Variants in ZNF77 observed in about 807,000 individuals in gnomAD.
The protein encoded by ZNF77 is ZNFpT1.
A neutral mutation model predicts 13.5 loss-of-function variants in ZNF77; 15 were observed. The ratio of observed to expected loss-of-function variants is 1.11; its 90% CI spans 0.74 to 1.71. ZNF77 has a LOEUF of 1.71. Among genes scored for constraint, ZNF77 ranks in the 40% most tolerant of loss-of-function variants. The pLI is 0.00. For synonymous variants in ZNF77, 282 were observed against 250.0 expected (o/e 1.13, Z -1.21); for missense variants, 717 against 676.4 (o/e 1.06, Z -0.67).
intron 1 of ZNF77, among the ~76,000 whole-genome samples, chr19:2,940,979 A>C (rs1220637125): frequency 6.6e-6 from 1 of 151,940 alleles, no homozygotes; most frequent in African/African-American, 2.4e-5. Flanking sequence ...GCTTGGGACC[A>C]GCCTGAGCAA....
intron 2 of ZNF77, among the ~76,000 whole-genome samples, chr19:2,937,823 G>C (rs2088411315): frequency 6.6e-6 from 1 of 152,022 alleles, no homozygotes; most frequent in Non-Finnish European, 1.5e-5. Context: ...GTGGCACTTT[G>C]TTGGCTCACT....
chr19:2,933,623 T>C lies in ZNF77; in HGVS notation c.1504A>G (p.Ser502Gly), dbSNP rs770470295. Residue 502 changes from serine (S) to glycine (G), a missense_variant, in exon 4 of 4, where the codon AGT (serine) becomes GGT (glycine). Ser to Gly is a moderately conservative substitution (Grantham distance 56). Coordinates refer to ENST00000314531, the MANE Select transcript of ZNF77 (RefSeq NM_021217.3). ...TGCACACGAAGGGACGAGGAACAAC[T>C]GTAGGCTTTCCCACATTCAGTACAT... is the stretch of plus-strand genomic sequence containing the variant. ...YECTECGKAY[S>G]CSSSLRVHVR... 1 of 1,614,062 alleles carries C rather than the reference T, an allele frequency of 6.2e-7. No individual in the cohort carries two copies. Among genetic ancestry groups the C allele is most frequent in the Non-Finnish European group, 8.5e-7 (1 of 1,179,954 alleles).
At chr19:2,942,618 A>T (rs2088460243) in intron 1 of ZNF77, among the ~76,000 whole-genome samples, 1 of 152,016 alleles carries the variant, frequency 6.6e-6, no homozygotes, top group Non-Finnish European at 1.5e-5. Context: ...CTGTCAGGTG[A>T]CAATGTTGAA....
chr19:2,937,050 G>C (rs147566929), intron 2 of ZNF77, among the ~76,000 whole-genome samples: 1 of 152,112 alleles, frequency 6.6e-6, no homozygotes, highest in African/African-American at 2.4e-5. Flanking sequence ...TTAGCCAGGC[G>C]TGGTGTTGTG....
At chr19:2,937,150 C>T (rs531290484) in intron 2 of ZNF77, among the ~76,000 whole-genome samples, 12 of 152,146 alleles carry the variant, frequency 7.9e-5, no homozygotes, top group Admixed American at 3.3e-4. Context: ...GATTGCACCA[C>T]GGCACTGCAG....
rs147071545 is a variant in ZNF77 at position 2,933,849 on chromosome 19, G to A, written c.1278C>T (p.His426=). 1.4e-5 allele frequency: 23 copies of A among 1,613,522 alleles called. No individual in the cohort carries two copies. Among genetic ancestry groups the A allele is most frequent in the South Asian group, 9.9e-5 (9 of 91,022 alleles). The change falls in exon 4 of 4, where the codon CAC becomes CAT. Residue 426 remains histidine (H), a synonymous_variant. Transcript: ENST00000314531. Reference sequence around the variant, plus strand: ...GCTTCTCTCCAGTATGCGTCCTCACGTGGATTCGAAGGGAGGAGGAAAAAC... The same window carrying A: ...GCTTCTCTCCAGTATGCGTCCTCACATGGATTCGAAGGGAGGAGGAAAAAC... ...AYSFSSSLRI[H]VRTHTGEKPF... is the part of the protein sequence containing the mutation.
At chr19:2,944,757 C>T in intron 1 of ZNF77, 81 bp downstream of exon 1, 1 of 1,461,054 alleles carries the variant, frequency 6.8e-7, no homozygotes, top group Non-Finnish European at 9.0e-7. Flanking sequence ...CAGCTTTCTC[C>T]GGCTGCGAAC....
rs199562140 is a variant in ZNF77, at chr19:2,934,093, G to A, written c.1034C>T (p.Thr345Met). 5.6e-5 allele frequency: 90 copies of A among 1,613,802 alleles called. No individual in the cohort carries two copies. The highest frequency in any genetic ancestry group is 8.8e-5 in the South Asian group (8 of 91,076). Reference sequence around the variant, plus strand: ...TTCATAGGGTTTCTCTCCACTGTGCGTTCTCCCATGTTCTCGAAGAGACGA... The same window carrying A: ...TTCATAGGGTTTCTCTCCACTGTGCATTCTCCCATGTTCTCGAAGAGACGA... ...CYSSLREHGR[T>M]HSGEKPYECK... The change falls in exon 4 of 4, where the codon ACG (threonine) becomes ATG (methionine). Residue 345 changes from threonine to methionine, a missense_variant. Physicochemically the swap from Thr to Met is moderately conservative, Grantham distance 81. Transcript: ENST00000314531.
At chr19:2,942,141 A>C (rs1450758211) in intron 1 of ZNF77, among the ~76,000 whole-genome samples, 4 of 150,658 alleles carry the variant, frequency 2.7e-5, no homozygotes, top group Non-Finnish European at 4.4e-5. Flanking sequence ...AAACAATCTC[A>C]GCTCGCTGCA....
chr19:2,938,827 G>A (rs1599620022), intron 2 of ZNF77, among the ~76,000 whole-genome samples: 2 of 152,186 alleles, frequency 1.3e-5, no homozygotes, highest in Admixed American at 1.3e-4. Context: ...GTGGTGGTGG[G>A]CACCTGTAGT....
Position 2,936,523 on chromosome 19 carries a change from C to T in ZNF77, c.311+1G>A. 2.5e-6 allele frequency: 4 copies of T among 1,594,840 alleles called. No homozygotes were observed. The highest frequency in any genetic ancestry group is 3.4e-6 in the Non-Finnish European group (4 of 1,174,242). On this transcript the variant is annotated splice_donor_variant, in intron 3 of 3. Transcript: ENST00000314531. LOFTEE classifies it high-confidence loss of function. ...CATCCCTCCGGTTGAGCGCCACTCA[C>T]CTCAGATGCCTCTGTGGGATTTGGT...
chr19:2,935,496 A>AT (rs58809442), intron 3 of ZNF77, among the ~76,000 whole-genome samples: 120,881 of 138,272 alleles, frequency 0.87, 53,381 homozygotes, highest in Middle Eastern at 0.93. Context: ...TCTTTTTCGT[A>AT]TTTTTTTTTT....
rs1312612827 is a variant in ZNF77 at position 2,939,057 on chromosome 19, GACGCC to G, written c.130+219_130+223del. Reference sequence around the variant, plus strand: ...TTACCCAAGGAGGCAGTGAGGGAATGACGCCATCCTTACCCAAGGAGGCAGTGAGG... The same window carrying G: ...TTACCCAAGGAGGCAGTGAGGGAATGATCCTTACCCAAGGAGGCAGTGAGG... On this transcript the variant is annotated intron_variant, in intron 2 of 3. Coordinates refer to ENST00000314531, the MANE Select transcript of ZNF77 (RefSeq NM_021217.3). 1.6e-4 allele frequency among the ~76,000 whole-genome samples: 16 copies of G among 102,704 alleles called. 2 individuals are homozygous for G. The highest frequency in any genetic ancestry group is 4.8e-4 in the African/African-American group (16 of 33,256). 67.4% of individuals were successfully genotyped at this position (102,704 alleles called of 152,430 possible). A position where few individuals can be genotyped will look rare whatever the true frequency, so the allele number is the denominator to read the frequency against.
In ZNF77 at chr19:2,933,562, CATT is replaced by C. The variant is rs1420631775; in HGVS notation, c.1562_1564del (p.Glu521_Cys522delinsGly). ...CCTGAAGGTTTTCCCACACTGCTTG[CATT>C]CATACGGTCTCTCTCCAGTGTGCGT... On this transcript the variant is annotated inframe_deletion, in exon 4 of 4. Transcript: ENST00000314531. 2 of 1,612,150 alleles carry C rather than the reference CATT, an allele frequency of 1.2e-6. No individual in the cohort carries two copies. Among genetic ancestry groups the C allele is most frequent in the South Asian group, 2.2e-5 (2 of 90,942 alleles).
intron 2 of ZNF77, among the ~76,000 whole-genome samples, chr19:2,937,553 A>C (rs750406863): frequency 5.3e-5 from 8 of 152,100 alleles, no homozygotes; most frequent in Non-Finnish European, 1.0e-4. Flanking sequence ...GAATAGTTCC[A>C]AACAGATGGA....
At chr19:2,937,892 G>GA (rs1432820142) in intron 2 of ZNF77, among the ~76,000 whole-genome samples, 1 of 152,082 alleles carries the variant, frequency 6.6e-6, no homozygotes, top group Non-Finnish European at 1.5e-5. Flanking sequence ...GAGTAGCTGG[G>GA]ATTACAGGCA....
intron 3 of ZNF77, among the ~76,000 whole-genome samples, chr19:2,935,240 G>C (rs796527877): frequency 5.3e-5 from 8 of 150,840 alleles, no homozygotes; most frequent in African/African-American, 1.5e-4. Flanking sequence ...GGATGGTCTT[G>C]ATCTCCTGAC....
chr19:2,940,099 G>A (rs373873204), intron 1 of ZNF77, among the ~76,000 whole-genome samples: 4 of 151,700 alleles, frequency 2.6e-5, no homozygotes, highest in East Asian at 3.9e-4. Flanking sequence ...TGAGAAGATC[G>A]CTTGAGGCCA....
chr19:2,936,661 CCT>C lies in ZNF77; in HGVS notation c.172_173del (p.Arg58GlyfsTer10). 3 of 1,609,304 alleles carry C rather than the reference CCT, an allele frequency of 1.9e-6. No individual in the cohort carries two copies. Among genetic ancestry groups the C allele is most frequent in the Non-Finnish European group, 2.5e-6 (3 of 1,178,696 alleles). ...YVRTSGSSSQRDVFGNGISND... is the reference protein window; with the variant it reads ...YVRTSGSSSQXDVFGNGISND... ...TGGATATTCCATTCCCAAAAACGTC[CCT>C]CTGAGAACTTGATCCACTGGTTCTA... On this transcript the variant is annotated frameshift_variant, in exon 3 of 4. Transcript: ENST00000314531. LOFTEE classifies it high-confidence loss of function.
Sources: allele counts gnomAD v4.1 joint callset (sites outside exome capture counted in the v4.1 genomes callset), GRCh38; gene constraint gnomAD v4.1.1; transcripts MANE v1.5; gene names NCBI Gene and HGNC (gene_info 2026-07-23, HGNC 2026-07-21).